The following TEX11 variants were observed in gnomAD, a reference collection of about 807,000 sequenced individuals.
TEX11 encodes the protein testis expressed 11.
A neutral mutation model predicts 84.4 loss-of-function variants in TEX11; 7 were observed. The ratio of observed to expected loss-of-function variants is 0.08; its 90% CI spans 0.05 to 0.16. TEX11 has a LOEUF of 0.16. Ranked by LOEUF, TEX11 falls within the 10% of genes least tolerant of loss-of-function variation. The pLI is 1.00. For synonymous variants in TEX11, 264 were observed against 222.8 expected, an observed-to-expected ratio of 1.18 and a Z score of -1.64; for missense variants, 551 against 660.5, an observed-to-expected ratio of 0.83 and a Z score of 1.82.
chrX:70,670,553 C>T (rs192576732), intron 15 of TEX11, 39 bp from the exon 16 acceptor site: 312 of 1,159,360 alleles, frequency 2.7e-4, no homozygotes, highest in Non-Finnish European at 3.4e-4. Flanking sequence ...ACAGCGATGT[C>T]GCTACCCTAT....
At chrX:70,790,687 G>A (rs1189421948) in intron 9 of TEX11, among the ~76,000 whole-genome samples, 1 of 111,700 alleles carries the variant, frequency 9.0e-6, no homozygotes, top group Non-Finnish European at 1.9e-5. Flanking sequence ...CCCCTCTGTC[G>A]GCAACACCTC....
chrX:70,552,287 A>G, intron 27 of TEX11, 41 bp from the exon 28 acceptor site: 1 of 1,192,176 alleles, frequency 8.4e-7, no homozygotes, highest in Non-Finnish European at 1.1e-6. Flanking sequence ...TAAGGAAAGA[A>G]ATCATTGGCT....
chrX:70,720,864 C>T (rs927648076), intron 13 of TEX11, among the ~76,000 whole-genome samples: 1 of 108,983 alleles, frequency 9.2e-6, no homozygotes, highest in Non-Finnish European at 1.9e-5. Flanking sequence ...CAACACATCT[C>T]TCGCCACACC....
intron 17 of TEX11, among the ~76,000 whole-genome samples, chrX:70,643,665 T>G (rs1342497668): frequency 9.4e-6 from 1 of 106,405 alleles, no homozygotes; most frequent in East Asian, 3.0e-4. Context: ...AAACAAGCAA[T>G]GGGGAAAGGA....
chrX:70,654,237 G>T (rs750129538), intron 16 of TEX11, among the ~76,000 whole-genome samples: 1 of 111,651 alleles, frequency 9.0e-6, no homozygotes, highest in African/African-American at 3.3e-5. Flanking sequence ...ACACTAATGC[G>T]AGATGTTAAT....
At chrX:70,891,412 G>T (rs374437134) in intron 2 of TEX11, among the ~76,000 whole-genome samples, 3 of 111,174 alleles carry the variant, frequency 2.7e-5, no homozygotes, top group African/African-American at 9.8e-5. Context: ...GACTTCAAAA[G>T]GTCAGTAATA....
chrX:70,688,412 C>A (rs1196822656), intron 13 of TEX11, among the ~76,000 whole-genome samples: 1 of 111,243 alleles, frequency 9.0e-6, no homozygotes, highest in Non-Finnish European at 1.9e-5. Context: ...AATAGATAAA[C>A]AAAGAGATGA....
intron 9 of TEX11, among the ~76,000 whole-genome samples, chrX:70,795,595 G>C (rs2091151409): frequency 8.9e-6 from 1 of 111,735 alleles, no homozygotes; most frequent in Non-Finnish European, 1.9e-5. Context: ...CCACAGGGGT[G>C]CTTGTATCAC....
intron 9 of TEX11, among the ~76,000 whole-genome samples, chrX:70,784,159 C>A (rs1368384846): frequency 8.9e-6 from 1 of 112,042 alleles, no homozygotes; most frequent in Non-Finnish European, 1.9e-5. Context: ...CTCTGGGATG[C>A]AAGGCTGGTT....
chrX:70,615,026 C>A (rs888783484), intron 20 of TEX11, among the ~76,000 whole-genome samples: 1 of 110,991 alleles, frequency 9.0e-6, no homozygotes, highest in Non-Finnish European at 1.9e-5. Context: ...CAGCTTAGAT[C>A]ACAGCACCCA....
chrX:70,564,792 T>A (rs1478844663), intron 25 of TEX11, among the ~76,000 whole-genome samples: 1 of 109,670 alleles, frequency 9.1e-6, no homozygotes, highest in African/African-American at 3.3e-5. Flanking sequence ...ATTTTCTTAA[T>A]CCAGTCTATC....
chrX:70,619,343 T>C (rs1258224253), intron 20 of TEX11, among the ~76,000 whole-genome samples: 2 of 111,678 alleles, frequency 1.8e-5, no homozygotes, highest in Non-Finnish European at 3.8e-5. Context: ...TATTGCTTAA[T>C]GGTCAAGATA....
chrX:70,739,436 G>A (rs1240287089), intron 11 of TEX11, among the ~76,000 whole-genome samples: 2 of 99,254 alleles, frequency 2.0e-5, no homozygotes, highest in South Asian at 9.7e-4. Flanking sequence ...TTTTTGAGAC[G>A]GAGACTTGCT....
chrX:70,706,199 A>C (rs2090373874), intron 13 of TEX11, among the ~76,000 whole-genome samples: 1 of 109,569 alleles, frequency 9.1e-6, no homozygotes. Context: ...TCAGCAAACT[A>C]TTGCAAGGTC....
chrX:70,784,530 A>G (rs998959862), intron 9 of TEX11, among the ~76,000 whole-genome samples: 8 of 111,649 alleles, frequency 7.2e-5, no homozygotes, highest in Non-Finnish European at 1.3e-4. Context: ...GGAAAAGAGG[A>G]AGTCAAATTG....
intron 16 of TEX11, among the ~76,000 whole-genome samples, chrX:70,660,199 G>A (rs1470142694): frequency 3.6e-5 from 4 of 111,781 alleles, no homozygotes; most frequent in Non-Finnish European, 7.5e-5. Flanking sequence ...GTCAGTGAGT[G>A]CTGAGTGAAT....
At chrX:70,617,488 C>T (rs1186042441) in intron 20 of TEX11, among the ~76,000 whole-genome samples, 1 of 106,991 alleles carries the variant, frequency 9.3e-6, no homozygotes, top group Admixed American at 1.0e-4. Context: ...TAATGAGATA[C>T]TACTCAGCCA....
chrX:70,524,950 G>T (rs2087809364), downstream of TEX11, among the ~76,000 whole-genome samples: 1 of 112,237 alleles, frequency 8.9e-6, no homozygotes, highest in Non-Finnish European at 1.9e-5. Context: ...GAAGCAGGAA[G>T]ATCACTTGAG....
chrX:70,881,326 C>CAAA (rs773436735), intron 2 of TEX11, among the ~76,000 whole-genome samples: 13 of 61,940 alleles, frequency 2.1e-4, no homozygotes, highest in African/African-American at 6.7e-4. Flanking sequence ...GACTGTGTCT[C>CAAA]AAAAAAAAAA....
Sources: allele counts gnomAD v4.1 joint callset (sites outside exome capture counted in the v4.1 genomes callset), GRCh38; gene constraint gnomAD v4.1.1; transcripts MANE v1.5; gene names NCBI Gene and HGNC (gene_info 2026-07-23, HGNC 2026-07-21).